ASTN2: variants seen among roughly 807,000 people sequenced by gnomAD.
The protein encoded by ASTN2 is astrotactin-2.
ASTN2 carries 54 observed loss-of-function variants against 139.8 expected under a neutral mutation model. The observed-to-expected ratio is 0.39, with a 90% CI of 0.31 to 0.48. ASTN2 has a LOEUF of 0.48. Ranked by LOEUF, ASTN2 falls within the 20% of genes least tolerant of loss-of-function variation. The pLI is 0.95. For synonymous variants in ASTN2, 756 were observed against 719.5 expected (o/e 1.05, Z -0.81); for missense variants, 1,565 against 1,725.1 (o/e 0.91, Z 1.64).
chr9:116,726,799 C>T (rs1486085113), intron 15 of ASTN2, among the ~76,000 whole-genome samples: 1 of 152,184 alleles, frequency 6.6e-6, no homozygotes, highest in East Asian at 1.9e-4. Context: ...CAAACAGGCA[C>T]ATGAGCAAGC....
intron 5 of ASTN2, among the ~76,000 whole-genome samples, chr9:117,055,276 A>G (rs1285763301): frequency 6.6e-6 from 1 of 152,254 alleles, no homozygotes; most frequent in African/African-American, 2.4e-5. Flanking sequence ...CTGGGGATAT[A>G]GCAGGTACTT....
intron 19 of ASTN2, among the ~76,000 whole-genome samples, chr9:116,529,787 T>C (rs985435617): frequency 1.3e-5 from 2 of 152,016 alleles, no homozygotes; most frequent in South Asian, 2.1e-4. Context: ...CCTCACTCTC[T>C]TTCCTGCCAC....
At chr9:116,876,697 A>T (rs1383992383) in intron 10 of ASTN2, among the ~76,000 whole-genome samples, 1 of 152,200 alleles carries the variant, frequency 6.6e-6, no homozygotes, top group East Asian at 1.9e-4. Flanking sequence ...CACCAGCAAA[A>T]TGATTATGGC....
chr9:116,478,991 C>CAAAAAAAAAAA lies in ASTN2; in HGVS notation c.3497+8357_3497+8367dup, dbSNP rs34860380. 2.5e-4 allele frequency among the ~76,000 whole-genome samples: 15 copies of CAAAAAAAAAAA among 61,016 alleles called. 1 individual carries two copies. Among genetic ancestry groups the CAAAAAAAAAAA allele is most frequent in the African/African-American group, 1.1e-3 (15 of 14,284 alleles). 40.0% of individuals were successfully genotyped at this position (61,016 alleles called of 152,430 possible). The stretch of plus-strand genomic sequence containing the variant: ...TGGGCGACAGAAGGAGACTGTGCCT[C>CAAAAAAAAAAA]AAAAAAAAAAAAAAAAAAAAAAAAA... On this transcript the variant is annotated intron_variant, in intron 20 of 22. Coordinates refer to ENST00000313400, the MANE Select transcript of ASTN2 (RefSeq NM_001365068.1).
At chr9:116,879,710 G>C (rs1182533089) in intron 10 of ASTN2, among the ~76,000 whole-genome samples, 1 of 152,124 alleles carries the variant, frequency 6.6e-6, no homozygotes, top group Non-Finnish European at 1.5e-5. Context: ...AAACACACGT[G>C]AAACACTCTG....
At chr9:117,087,195 C>A (rs1828587206) in intron 5 of ASTN2, among the ~76,000 whole-genome samples, 1 of 151,208 alleles carries the variant, frequency 6.6e-6, no homozygotes, top group South Asian at 2.1e-4. Context: ...TTGTTTTTTT[C>A]TTTTCCTTTT....
chr9:116,448,500 C>A lies in ASTN2; in HGVS notation c.3498-5947G>T, dbSNP rs188607758. Among the ~76,000 whole-genome samples the A allele has an allele frequency of 3.7e-3, 569 of 152,322 alleles. 2 individuals carry two copies. The highest frequency in any genetic ancestry group is 6.7e-3 in the Non-Finnish European group (459 of 68,032). ...TAGGTTAGATCTAATATTCTAGGAA[C>A]TGAGAGCTGTTTTTTCCTCGATAGA... is the stretch of plus-strand genomic sequence containing the variant. On this transcript the variant is annotated intron_variant, in intron 20 of 22. Coordinates refer to ENST00000313400, the MANE Select transcript of ASTN2 (RefSeq NM_001365068.1).
intron 19 of ASTN2, among the ~76,000 whole-genome samples, chr9:116,535,582 C>T (rs1025025969): frequency 2.0e-5 from 3 of 152,088 alleles, no homozygotes; most frequent in African/African-American, 7.2e-5. Flanking sequence ...ATTTGCTTGT[C>T]TATAAAGGAT....
intron 1 of ASTN2, among the ~76,000 whole-genome samples, chr9:117,356,264 T>G (rs1829536754): frequency 6.6e-6 from 1 of 152,224 alleles, no homozygotes; most frequent in African/African-American, 2.4e-5. Context: ...TCTTAAAATA[T>G]GCAGGGGGTT....
chr9:117,367,705 T>C (rs1829880524), intron 1 of ASTN2, among the ~76,000 whole-genome samples: 2 of 152,110 alleles, frequency 1.3e-5, no homozygotes, highest in East Asian at 1.9e-4. Flanking sequence ...TAAACTCTTG[T>C]AATTATTATG....
chr9:117,064,003 T>C (rs1839377073), intron 5 of ASTN2, among the ~76,000 whole-genome samples: 1 of 152,034 alleles, frequency 6.6e-6, no homozygotes, highest in African/African-American at 2.4e-5. Context: ...GCTGAAAGAT[T>C]GTTTTCCCGA....
intron 20 of ASTN2, among the ~76,000 whole-genome samples, chr9:116,478,991 C>CAAAAAA (rs34860380): frequency 1.8e-4 from 11 of 61,018 alleles, no homozygotes; most frequent in African/African-American, 7.7e-4. Flanking sequence ...GACTGTGCCT[C>CAAAAAA]AAAAAAAAAA....
At chr9:117,093,284 T>C (rs767013250) in intron 5 of ASTN2, among the ~76,000 whole-genome samples, 5 of 152,156 alleles carry the variant, frequency 3.3e-5, no homozygotes, top group Admixed American at 1.3e-4. Flanking sequence ...CTGCCACAAT[T>C]TCTCTCCCTC....
At chr9:116,923,764 G>A (rs1834677586) in intron 10 of ASTN2, among the ~76,000 whole-genome samples, 1 of 152,218 alleles carries the variant, frequency 6.6e-6, no homozygotes. Flanking sequence ...AAGCTCAGCA[G>A]AGGAGATTTA....
chr9:117,201,052 G>T (rs560395837), intron 3 of ASTN2, among the ~76,000 whole-genome samples: 2 of 131,276 alleles, frequency 1.5e-5, no homozygotes, highest in Admixed American at 1.8e-4. Flanking sequence ...CAATTTCAGA[G>T]CTTGTTATTG....
chr9:116,781,059 C>T (rs533351775), intron 13 of ASTN2, among the ~76,000 whole-genome samples: 5 of 152,120 alleles, frequency 3.3e-5, no homozygotes, highest in African/African-American at 7.2e-5. Flanking sequence ...AGGCTGGTCT[C>T]GAACTCCTGA....
chr9:116,941,053 C>T (rs115775144), intron 10 of ASTN2, among the ~76,000 whole-genome samples: 1 of 152,074 alleles, frequency 6.6e-6, no homozygotes, highest in Non-Finnish European at 1.5e-5. Context: ...GTAACCTTTA[C>T]CATCTATTTT....
In ASTN2 at chr9:116,923,522, T is replaced by C. The variant is rs1340596784; in HGVS notation, c.1889+51686A>G. On this transcript the variant is annotated intron_variant, in intron 10 of 22. Coordinates refer to ENST00000313400, the MANE Select transcript of ASTN2 (RefSeq NM_001365068.1). ...ATTTGAAGTTATGAGAAAAGGTGAGTGAGGAGTAGATAGCTATACAAAACT... is the reference window on the plus strand; with the variant it reads ...ATTTGAAGTTATGAGAAAAGGTGAGCGAGGAGTAGATAGCTATACAAAACT... 2.6e-5 allele frequency among the ~76,000 whole-genome samples: 4 copies of C among 152,238 alleles called. No homozygotes were observed. The East Asian group carries it at 5.8e-4, about 22-fold the overall frequency.
chr9:117,176,804 C>T (rs1268047531), intron 3 of ASTN2, among the ~76,000 whole-genome samples: 1 of 152,128 alleles, frequency 6.6e-6, no homozygotes, highest in African/African-American at 2.4e-5. Context: ...TGATGGTGTA[C>T]TCCTGTAGTC....
Sources: gnomAD v4.1 joint callset for allele counts (sites outside exome capture counted in the v4.1 genomes callset) on GRCh38, gnomAD v4.1.1 for gene constraint, MANE v1.5 for transcripts, NCBI Gene and HGNC (gene_info 2026-07-23, HGNC 2026-07-21) for gene names.